NLRP5: variants seen among roughly 807,000 people sequenced by gnomAD.
NLRP5 encodes NLR family pyrin domain containing 5.
Under a neutral mutation model 113.1 loss-of-function variants are expected in NLRP5, and 93 were observed. The ratio of observed to expected loss-of-function variants is 0.82; its 90% confidence interval spans 0.70 to 0.98. The LOEUF (loss-of-function observed/expected upper bound fraction) is 0.98. NLRP5 is among the 50% of genes least tolerant of loss of function. The pLI is 0.00. For synonymous variants in NLRP5, 751 were observed against 600.7 expected, an observed-to-expected ratio of 1.25 and a Z score of -3.66; for missense variants, 1,808 against 1,514.3, an observed-to-expected ratio of 1.19 and a Z score of -3.22.
chr19:56,041,751 C>T (rs1435138296), intron 11 of NLRP5, among the ~76,000 whole-genome samples: 3 of 152,086 alleles, frequency 2.0e-5, no homozygotes, highest in South Asian at 2.1e-4. Context: ...AGTTCAAGAC[C>T]AGCCTGGCCA....
At chr19:56,024,530 CATATGTATAT>C (rs1568489603) in intron 6 of NLRP5, among the ~76,000 whole-genome samples, 6 of 52,758 alleles carry the variant, frequency 1.1e-4, no homozygotes, top group East Asian at 1.1e-3. Flanking sequence ...TATATGTATA[CATATGTATAT>C]GTATGTATAT....
chr19:55,992,160 G>T, the NLRP5 span, among the ~76,000 whole-genome samples: 1 of 151,990 alleles, frequency 6.6e-6, no homozygotes, highest in Non-Finnish European at 1.5e-5. Flanking sequence ...TAGGATGATG[G>T]CCCCCAGTTC....
At chr19:56,006,822 C>T (rs934779769) in intron 2 of NLRP5, among the ~76,000 whole-genome samples, 2 of 151,706 alleles carry the variant, frequency 1.3e-5, no homozygotes, top group Non-Finnish European at 2.9e-5. Flanking sequence ...TCACCGCAAG[C>T]TCCGCCTTCC....
rs1264899028 is a variant in NLRP5, at chr19:56,028,196, T to C, written c.1963T>C (p.Cys655Arg). 1 of 1,613,982 alleles carries C rather than the reference T, an allele frequency of 6.2e-7. No homozygotes were observed. Among genetic ancestry groups the C allele is most frequent in the African/African-American group, 1.3e-5 (1 of 75,058 alleles). Residue 655 changes from cysteine (C) to arginine (R), a missense_variant, in exon 7 of 15, where the codon TGT becomes CGT. Coordinates refer to ENST00000390649, the MANE Select transcript of NLRP5 (RefSeq NM_153447.4). ...GAGGCCACTGGAGGTCCTGCTGGGC[T>C]GTCCCGTTCCCCTGGGGGTGAAGCA...
chr19:56,041,121 C>T lies in NLRP5; in HGVS notation c.2957+29C>T, dbSNP rs899732679. On this transcript the variant is annotated intron_variant, in intron 11 of 14. Coordinates refer to ENST00000390649, the MANE Select transcript of NLRP5 (RefSeq NM_153447.4). ...AGTCTGGCTTGCTCCCCTGCAAGGA[C>T]TTCCTAGCTTTCTAACATAGCATGG... The T allele has an allele frequency of 1.7e-5, 27 of 1,607,982 alleles. No homozygotes were observed. The South Asian group carries it at 2.4e-4, about 14-fold the overall frequency.
intron 10 of NLRP5, among the ~76,000 whole-genome samples, chr19:56,040,260 A>G (rs1983470143): frequency 6.6e-6 from 1 of 152,056 alleles, no homozygotes; most frequent in South Asian, 2.1e-4. Context: ...GTGTACTTTT[A>G]AATTGGAAAA....
chr19:56,006,007 A>C (rs1339573291), intron 2 of NLRP5, among the ~76,000 whole-genome samples: 3 of 152,216 alleles, frequency 2.0e-5, no homozygotes, highest in African/African-American at 7.2e-5. Context: ...GCATATGTTT[A>C]AATTCTCATA....
At chr19:56,033,085 A>G (rs1983184492) in intron 8 of NLRP5, among the ~76,000 whole-genome samples, 1 of 152,006 alleles carries the variant, frequency 6.6e-6, no homozygotes, top group Non-Finnish European at 1.5e-5. Context: ...ATCTCTACTA[A>G]AAATACAAAA....
At chr19:56,018,161 C>T (rs575547231) in intron 4 of NLRP5, among the ~76,000 whole-genome samples, 43 of 152,078 alleles carry the variant, frequency 2.8e-4, no homozygotes, top group Non-Finnish European at 4.4e-4. Flanking sequence ...ATAACCAAGG[C>T]GATCTAAAAA....
intron 10 of NLRP5, among the ~76,000 whole-genome samples, chr19:56,039,124 C>T (rs556799659): frequency 2.0e-5 from 3 of 146,894 alleles, no homozygotes; most frequent in South Asian, 4.3e-4. Context: ...AACAGGTCTA[C>T]GGAGCAGGTG....
At position 56,050,449 on chromosome 19, in the gene NLRP5, T is replaced by C. The variant is rs776090107; in HGVS notation, c.2989T>C (p.Cys997Arg). Reference sequence around the variant, plus strand: ...TCAGTGCCACCTGGACACGGCTGGCTGTGGTTTTCTTGCACTTGCGCTTAT... The same window carrying C: ...TCAGTGCCACCTGGACACGGCTGGCCGTGGTTTTCTTGCACTTGCGCTTAT... The change falls in exon 12 of 15, where the codon TGT (cysteine) becomes CGT (arginine). Residue 997 changes from cysteine to arginine, a missense_variant. Transcript: ENST00000390649. 11 of 1,613,890 alleles carry C rather than the reference T, an allele frequency of 6.8e-6. No homozygotes were observed. The highest frequency in any genetic ancestry group is 9.3e-6 in the Non-Finnish European group (11 of 1,179,864).
Position 56,053,692 on chromosome 19 carries a change from C to T in NLRP5, c.3183C>T (p.Ile1061=). 6.2e-7 allele frequency: 1 copy of T among 1,613,864 alleles called. No homozygotes were observed. Among genetic ancestry groups the T allele is most frequent in the Non-Finnish European group, 8.5e-7 (1 of 1,179,848 alleles). Residue 1061 remains isoleucine, a synonymous_variant, in exon 13 of 15, where the codon ATC becomes ATT. Transcript: ENST00000390649. ...GCTGTGAGAGTCTGTCCTGTGTGAT[C>T]TCGAGGAGCAGACACCTGAAGAGCC...
chr19:56,029,002 T>C (rs1303928093), intron 7 of NLRP5, among the ~76,000 whole-genome samples: 1 of 152,006 alleles, frequency 6.6e-6, no homozygotes, highest in African/African-American at 2.4e-5. Flanking sequence ...TGACCTCAGG[T>C]GATCCACCCG....
intron 6 of NLRP5, among the ~76,000 whole-genome samples, chr19:56,023,543 A>C (rs568041114): frequency 4.7e-4 from 72 of 152,336 alleles, no homozygotes; most frequent in Non-Finnish European, 8.4e-4. Flanking sequence ...AGTCCACACA[A>C]ATTGAAGCGA....
chr19:55,999,019 C>A (rs1407383383), upstream of NLRP5, among the ~76,000 whole-genome samples: 2 of 151,498 alleles, frequency 1.3e-5, no homozygotes, highest in African/African-American at 4.9e-5. Context: ...ACTCTAGTTG[C>A]CATGCTGTGC....
intron 13 of NLRP5, among the ~76,000 whole-genome samples, chr19:56,055,563 T>TTTTTTA (rs71981818): frequency 8.6e-6 from 1 of 116,806 alleles, no homozygotes; most frequent in African/African-American, 3.3e-5. Context: ...TTTTTTTTTT[T>TTTTTTA]AAGATAGAGT....
chr19:55,994,541 G>C, the NLRP5 span, among the ~76,000 whole-genome samples: 1 of 152,082 alleles, frequency 6.6e-6, no homozygotes, highest in Non-Finnish European at 1.5e-5. Context: ...GGGATTTCAG[G>C]CACGTGCCAC....
chr19:56,035,566 TG>T (rs1438503284), intron 9 of NLRP5, among the ~76,000 whole-genome samples: 4 of 152,180 alleles, frequency 2.6e-5, no homozygotes, highest in Non-Finnish European at 4.4e-5. Flanking sequence ...GGAGGCTATT[TG>T]GGGCCAAGGA....
chr19:55,996,402 G>T (rs1241676007), upstream of NLRP5, among the ~76,000 whole-genome samples: 2 of 152,066 alleles, frequency 1.3e-5, no homozygotes, highest in African/African-American at 2.4e-5. Flanking sequence ...TGCACAACGT[G>T]CAGGTTTGTT....
Sources: gnomAD v4.1 joint callset for allele counts (sites outside exome capture counted in the v4.1 genomes callset) on GRCh38, gnomAD v4.1.1 for gene constraint, MANE v1.5 for transcripts, NCBI Gene and HGNC (gene_info 2026-07-23, HGNC 2026-07-21) for gene names.